ATP9A: variants seen among roughly 807,000 people sequenced by gnomAD.
The protein encoded by ATP9A is probable phospholipid-transporting ATPase IIA.
A neutral mutation model predicts 144.1 loss-of-function variants in ATP9A; 52 were observed. That is an observed-to-expected ratio of 0.36 (90% confidence interval 0.29 to 0.45). The LOEUF (loss-of-function observed/expected upper bound fraction) is 0.45, where lower values mean the gene tolerates loss of function less well. Among genes scored for constraint, ATP9A ranks in the 20% least tolerant of loss-of-function variants. The probability of loss-of-function intolerance (pLI) is 1.00; values close to 1 mark genes in which losing one functional copy is unlikely to be tolerated. For missense variants in ATP9A, 947 were observed against 1,392.7 expected (o/e 0.68, Z 5.09); for synonymous variants, 582 against 557.4 (o/e 1.04, Z -0.62).
At chr20:51,737,324 C>T (rs1197725251) in intron 1 of ATP9A, among the ~76,000 whole-genome samples, 2 of 152,184 alleles carry the variant, frequency 1.3e-5, no homozygotes, top group Non-Finnish European at 2.9e-5. Context: ...TACCCATTCA[C>T]CTTTGAGCCA....
At chr20:51,764,522 A>G (rs952734806) in intron 1 of ATP9A, among the ~76,000 whole-genome samples, 5 of 152,226 alleles carry the variant, frequency 3.3e-5, no homozygotes, top group Admixed American at 3.3e-4. Context: ...GACCCCAGAA[A>G]TAACTGCATT....
At chr20:51,621,118 G>T (rs892878782) in intron 19 of ATP9A, among the ~76,000 whole-genome samples, 3 of 147,958 alleles carry the variant, frequency 2.0e-5, no homozygotes, top group Non-Finnish European at 4.4e-5. Flanking sequence ...CTGCACCCCA[G>T]CCTGGGTGAT....
chr20:51,625,495 C>T, intron 17 of ATP9A, 133 bp from the exon 18 acceptor site: 3 of 1,024,898 alleles, frequency 2.9e-6, no homozygotes, highest in Non-Finnish European at 4.2e-6. Flanking sequence ...GTGAGCTGGA[C>T]CCCACAGGGG....
intron 2 of ATP9A, among the ~76,000 whole-genome samples, chr20:51,726,838 C>T (rs1278536962): frequency 1.3e-5 from 2 of 150,222 alleles, no homozygotes; most frequent in African/African-American, 4.9e-5. Flanking sequence ...TTCAGCCTCC[C>T]AAAGTGTTGG....
intron 7 of ATP9A, among the ~76,000 whole-genome samples, chr20:51,692,165 G>A (rs147175411): frequency 3.3e-5 from 5 of 152,200 alleles, no homozygotes; most frequent in Non-Finnish European, 5.9e-5. Context: ...TTCCGAAGAT[G>A]AACACGGCTG....
At chr20:51,676,307 TC>T in intron 9 of ATP9A, 99 bp from the exon 10 acceptor site, 5 of 949,640 alleles carry the variant, frequency 5.3e-6, no homozygotes, top group South Asian at 1.7e-5. Flanking sequence ...GAGACTGGGT[TC>T]TTTTTTTTTT....
chr20:51,617,358 C>G, intron 22 of ATP9A, 132 bp downstream of exon 22: 1 of 934,038 alleles, frequency 1.1e-6, no homozygotes, highest in Non-Finnish European at 1.7e-6. Context: ...CACAAGGTAA[C>G]TGTGACACAT....
At chr20:51,662,559 AAT>A (rs1491497982) in intron 13 of ATP9A, among the ~76,000 whole-genome samples, 6 of 151,600 alleles carry the variant, frequency 4.0e-5, no homozygotes, top group East Asian at 2.0e-4. Context: ...AAAAAAAAAA[AAT>A]TTTTTTTCAC....
chr20:51,649,046 C>T (rs2077353355), intron 14 of ATP9A, among the ~76,000 whole-genome samples: 1 of 151,850 alleles, frequency 6.6e-6, no homozygotes, highest in East Asian at 1.9e-4. Flanking sequence ...TCGGAAGCTT[C>T]CCCAGATGAG....
rs777303903 is a variant in ATP9A, at chr20:51,613,746, G to A, written c.2502C>T (p.Asn834=). The change falls in exon 23 of 28, where the codon AAC becomes AAT. Residue 834 remains asparagine (N), a synonymous_variant. Coordinates refer to ENST00000338821, the MANE Select transcript of ATP9A (RefSeq NM_006045.3). ...TGAGGGCGGCTGACCGCTTGTAGCTGTTCCGGCCATGCACCATAAGCAACC... is the reference window on the plus strand; with the variant it reads ...TGAGGGCGGCTGACCGCTTGTAGCTATTCCGGCCATGCACCATAAGCAACC... The part of the protein sequence containing the change: ...LGRLLMVHGR[N]SYKRSAALSQ... The A allele has an allele frequency of 3.1e-6, 5 of 1,614,142 alleles. No individual in the cohort carries two copies. The East Asian group carries it at 1.1e-4, about 36-fold the overall frequency.
intron 11 of ATP9A, among the ~76,000 whole-genome samples, chr20:51,672,230 AT>A (rs954740372): frequency 1.8e-4 from 27 of 152,300 alleles, no homozygotes; most frequent in Middle Eastern, 6.8e-3. Context: ...TGTAAGGTGC[AT>A]TAGAATTTCC....
In ATP9A at chr20:51,678,547, G is replaced by A. The variant is rs114150359; in HGVS notation, c.800-2339C>T. ...GGCTCCCGGCAGATGGCAGGCCAGG[G>A]AGAGCTTGCGGTGGCTTCTCGGCAG... On this transcript the variant is annotated intron_variant, in intron 9 of 27. Transcript: ENST00000338821. 3.3e-3 allele frequency among the ~76,000 whole-genome samples: 507 copies of A among 152,266 alleles called. 4 individuals are homozygous for A. Among genetic ancestry groups the A allele is most frequent in the African/African-American group, 0.011 (467 of 41,560 alleles).
At chr20:51,623,322 G>A (rs562919537) in intron 18 of ATP9A, among the ~76,000 whole-genome samples, 136 of 152,310 alleles carry the variant, frequency 8.9e-4, no homozygotes, top group African/African-American at 3.0e-3. Flanking sequence ...TCAGGTGCAC[G>A]ACATGGCTAA....
At chr20:51,727,351 C>T (rs2077719282) in intron 2 of ATP9A, among the ~76,000 whole-genome samples, 3 of 151,544 alleles carry the variant, frequency 2.0e-5, no homozygotes, top group Admixed American at 6.6e-5. Context: ...TTTGGGAGGG[C>T]GAGGTTGGCA....
intron 11 of ATP9A, among the ~76,000 whole-genome samples, chr20:51,673,314 C>T (rs1445793653): frequency 6.6e-6 from 1 of 152,088 alleles, no homozygotes; most frequent in Non-Finnish European, 1.5e-5. Context: ...GTGGAGGCTG[C>T]AGTGAGCTGA....
At chr20:51,630,344 T>C (rs937654108) in intron 15 of ATP9A, among the ~76,000 whole-genome samples, 1 of 152,192 alleles carries the variant, frequency 6.6e-6, no homozygotes, top group Non-Finnish European at 1.5e-5. Flanking sequence ...ATTTTGCTAC[T>C]CCAGGAAGCC....
intron 15 of ATP9A, among the ~76,000 whole-genome samples, chr20:51,631,366 T>C (rs1005784127): frequency 3.3e-5 from 5 of 152,154 alleles, no homozygotes; most frequent in African/African-American, 1.2e-4. Flanking sequence ...AAGAGAGCTG[T>C]GGGGTCTGCA....
At chr20:51,724,144 C>G (rs1457825787) in intron 3 of ATP9A, among the ~76,000 whole-genome samples, 1 of 151,956 alleles carries the variant, frequency 6.6e-6, no homozygotes, top group African/African-American at 2.4e-5. Context: ...GCACTCCAAC[C>G]TGGGCAATAA....
intron 3 of ATP9A, among the ~76,000 whole-genome samples, chr20:51,720,298 T>A (rs893771395): frequency 6.6e-6 from 1 of 152,224 alleles, no homozygotes; most frequent in African/African-American, 2.4e-5. Context: ...AGACCAACTT[T>A]GTTAAAGTAA....
Sources: gnomAD v4.1 joint callset for allele counts (sites outside exome capture counted in the v4.1 genomes callset) on GRCh38, gnomAD v4.1.1 for gene constraint, MANE v1.5 for transcripts, NCBI Gene and HGNC (gene_info 2026-07-23, HGNC 2026-07-21) for gene names.